CDC20B: variants seen among roughly 807,000 people sequenced by gnomAD.
CDC20B encodes cell division cycle 20B.
Under a neutral mutation model 64.1 loss-of-function variants are expected in CDC20B, and 58 were observed. The observed-to-expected ratio is 0.90, with a 90% CI of 0.73 to 1.13. The LOEUF is 1.13. Ranked by LOEUF, CDC20B falls within the 50% of genes most tolerant of loss-of-function variation. CDC20B has a pLI of 0.00. For missense variants in CDC20B, 597 were observed against 633.0 expected, an observed-to-expected ratio of 0.94 and a Z score of 0.61; for synonymous variants, 243 against 230.6, an observed-to-expected ratio of 1.05 and a Z score of -0.49.
rs1339868698 is a variant in CDC20B at position 55,120,551 on chromosome 5, C to CA, written c.1216-2_1216-1insT. On this transcript the variant is annotated splice_acceptor_variant, in intron 9 of 11. Coordinates refer to ENST00000381375, the MANE Select transcript of CDC20B (RefSeq NM_001170402.1). LOFTEE classifies it high-confidence loss of function. Reference sequence around the variant, plus strand: ...ACTGCCAGGGACACCAATCCATGGCCTTTAAAGTTTCACATAATAGCACAG... The same window carrying CA: ...ACTGCCAGGGACACCAATCCATGGCCATTTAAAGTTTCACATAATAGCACAG... The CA allele has an allele frequency of 1.2e-5, 19 of 1,613,036 alleles. No homozygotes were observed. In the African/African-American group the frequency reaches 2.3e-4, roughly 19 times the overall value.
Position 55,124,888 on chromosome 5 carries a change from C to G in CDC20B, c.1130G>C (p.Gly377Ala). The change falls in exon 9 of 12, where the codon GGA becomes GCA. Residue 377 changes from glycine to alanine, a missense_variant. Transcript: ENST00000381375. ...ATCGTGGGGCCATATTGTCAGCAGTCCATCACTGCAGCCGCTGGAAAGCAG... is the reference window on the plus strand; with the variant it reads ...ATCGTGGGGCCATATTGTCAGCAGTGCATCACTGCAGCCGCTGGAAAGCAG... Reference protein sequence around the residue: ...GRLLSSGCSDGLLTIWPHDPG... With the variant: ...GRLLSSGCSDALLTIWPHDPG... 6.2e-7 allele frequency: 1 copy of G among 1,614,162 alleles called. No homozygotes were observed. Among genetic ancestry groups the G allele is most frequent in the Non-Finnish European group, 8.5e-7 (1 of 1,180,010 alleles).
chr5:55,160,692 G>A (rs1184272465), intron 2 of CDC20B: 7 of 450,924 alleles, frequency 1.6e-5, no homozygotes, highest in Admixed American at 7.9e-5. Context: ...ATTAATAAAA[G>A]TATTGGTTCT....
Position 55,143,509 on chromosome 5 carries a change from C to T in CDC20B, c.486+4G>A, listed in dbSNP as rs1302371613. The T allele has an allele frequency of 6.3e-7, 1 of 1,582,786 alleles. No homozygotes were observed. The highest frequency in any genetic ancestry group is 8.6e-7 in the Non-Finnish European group (1 of 1,167,200). On this transcript the variant is annotated splice_donor_region_variant and intron_variant, in intron 4 of 11. Transcript: ENST00000381375. ...GGATCTTCAGTTTTTTTCTCTTTAC[C>T]TACCTGCCCTTTTGAGGCAACACTT... is the stretch of plus-strand genomic sequence containing the variant.
At chr5:55,119,775 G>A in intron 11 of CDC20B, 26 bp downstream of exon 11, 1 of 1,358,168 alleles carries the variant, frequency 7.4e-7, no homozygotes, top group South Asian at 1.2e-5. Flanking sequence ...ATAGGTGCAT[G>A]GCATTTTACT....
chr5:55,133,047 TCCTGTCC>T lies in CDC20B; in HGVS notation c.697+358_697+364del, dbSNP rs1451212307. ...ATGGTATCAGTTCCGTGTCAGTTAG[TCCTGTCC>T]TCCAAACTAGATTACAAGCTGGGCA... On this transcript the variant is annotated intron_variant, in intron 6 of 11. Transcript: ENST00000381375. 2.2e-3 allele frequency among the ~76,000 whole-genome samples: 331 copies of T among 152,300 alleles called. 2 individuals carry two copies. The highest frequency in any genetic ancestry group is 7.5e-3 in the African/African-American group (313 of 41,566).
chr5:55,120,179 A>G (rs537929053), intron 10 of CDC20B, among the ~76,000 whole-genome samples: 5 of 152,312 alleles, frequency 3.3e-5, no homozygotes, highest in African/African-American at 1.2e-4. Context: ...GATTACTCTC[A>G]AAGTTCATGG....
In CDC20B at chr5:55,173,002, T is replaced by C; in HGVS notation, c.-2A>G. ...GGTGCGCTCCAGTTTCCACTCCATC[T>C]CCGGCTGACTTCGCCCTGCCTGGCG... On this transcript the variant is annotated 5_prime_UTR_variant, in exon 1 of 12. Coordinates refer to ENST00000381375, the MANE Select transcript of CDC20B (RefSeq NM_001170402.1). 1 of 1,610,590 alleles carries C rather than the reference T, an allele frequency of 6.2e-7. No individual in the cohort carries two copies. The highest frequency in any genetic ancestry group is 8.5e-7 in the Non-Finnish European group (1 of 1,178,630).
intron 2 of CDC20B, chr5:55,161,322 A>G: frequency 3.6e-6 from 5 of 1,379,772 alleles, no homozygotes; most frequent in Admixed American, 4.0e-5. Context: ...TACCAGGACA[A>G]TACTTTCCTA....
intron 2 of CDC20B, among the ~76,000 whole-genome samples, chr5:55,154,586 T>A (rs1294539560): frequency 6.6e-6 from 1 of 152,144 alleles, no homozygotes; most frequent in Non-Finnish European, 1.5e-5. Context: ...ATGCAATTTA[T>A]GAATAAAAGA....
At chr5:55,148,381 T>C (rs1385511342) in intron 2 of CDC20B, among the ~76,000 whole-genome samples, 2 of 152,146 alleles carry the variant, frequency 1.3e-5, no homozygotes, top group Admixed American at 1.3e-4. Context: ...TATATGTGCA[T>C]AACTTCTACT....
At chr5:55,130,019 A>G (rs1469153071) in intron 6 of CDC20B, among the ~76,000 whole-genome samples, 1 of 152,230 alleles carries the variant, frequency 6.6e-6, no homozygotes, top group Non-Finnish European at 1.5e-5. Context: ...ATTATCAAAG[A>G]CTTTAAAGCA....
At chr5:55,115,601 G>T (rs1369336445) in intron 11 of CDC20B, among the ~76,000 whole-genome samples, 2 of 152,204 alleles carry the variant, frequency 1.3e-5, no homozygotes, top group Admixed American at 1.3e-4. Flanking sequence ...AATGAGGGAG[G>T]AAAGGAGGTC....
Position 55,120,568 on chromosome 5 carries a change from A to G in CDC20B, c.1216-18T>C, listed in dbSNP as rs1276141121. 1.2e-6 allele frequency: 2 copies of G among 1,612,002 alleles called. No individual in the cohort carries two copies. The highest frequency in any genetic ancestry group is 1.1e-5 in the South Asian group (1 of 90,946). ...TCCATGGCCTTTAAAGTTTCACATAATAGCACAGACAGGTCAGCTTCAAAG... is the reference window on the plus strand; with the variant it reads ...TCCATGGCCTTTAAAGTTTCACATAGTAGCACAGACAGGTCAGCTTCAAAG... On this transcript the variant is annotated intron_variant, in intron 9 of 11. Transcript: ENST00000381375.
intron 4 of CDC20B, among the ~76,000 whole-genome samples, chr5:55,142,622 G>A (rs993628537): frequency 6.6e-6 from 1 of 152,230 alleles, no homozygotes; most frequent in South Asian, 2.1e-4. Flanking sequence ...GCCCATGTTT[G>A]AGGCCACCAG....
At chr5:55,128,012 T>A (rs2111825121) in intron 7 of CDC20B, among the ~76,000 whole-genome samples, 1 of 152,180 alleles carries the variant, frequency 6.6e-6, no homozygotes, top group Admixed American at 6.5e-5. Context: ...TTGATGGAAA[T>A]TTGATAAATC....
chr5:55,118,115 T>C (rs558239679), intron 11 of CDC20B, among the ~76,000 whole-genome samples: 3 of 151,892 alleles, frequency 2.0e-5, no homozygotes, highest in South Asian at 4.2e-4. Flanking sequence ...TGAGACTCTG[T>C]CTCAAAAAAA....
chr5:55,170,588 C>A (rs1294048688), intron 2 of CDC20B: 1 of 534,660 alleles, frequency 1.9e-6, no homozygotes, highest in African/African-American at 1.9e-5. Context: ...CATATTCAAC[C>A]AGCTAACAAT....
intron 6 of CDC20B, 146 bp from the exon 7 acceptor site, chr5:55,128,763 A>G (rs931762445): frequency 1.8e-6 from 1 of 565,564 alleles, no homozygotes; most frequent in African/African-American, 2.0e-5. Context: ...GAAAATCCTT[A>G]AAAGTTCAAA....
At chr5:55,147,665 A>G (rs1050211853) in intron 2 of CDC20B, among the ~76,000 whole-genome samples, 1 of 151,898 alleles carries the variant, frequency 6.6e-6, no homozygotes, top group Admixed American at 6.6e-5. Flanking sequence ...CCAAAATGCC[A>G]CTACTTACTT....
Sources: gnomAD v4.1 joint callset for allele counts (sites outside exome capture counted in the v4.1 genomes callset) on GRCh38, gnomAD v4.1.1 for gene constraint, MANE v1.5 for transcripts, NCBI Gene and HGNC (gene_info 2026-07-23, HGNC 2026-07-21) for gene names.